The following FARP1 variants were observed in gnomAD, a reference collection of about 807,000 sequenced individuals.
The protein encoded by FARP1 is FERM, ARHGEF and pleckstrin domain-containing protein 1.
In FARP1, 52 loss-of-function variants were observed where a neutral mutation model predicts 128.8. The ratio of observed to expected loss-of-function variants is 0.40; its 90% CI spans 0.32 to 0.51. FARP1 has a LOEUF of 0.51. Among genes scored for constraint, FARP1 ranks in the 20% least tolerant of loss-of-function variants. The pLI is 0.45. For synonymous variants in FARP1, 580 were observed against 551.8 expected, an observed-to-expected ratio of 1.05 and a Z score of -0.72; for missense variants, 1,333 against 1,367.9, an observed-to-expected ratio of 0.97 and a Z score of 0.40.
chr13:98,292,359 C>T (rs1452343395), intron 2 of FARP1, among the ~76,000 whole-genome samples: 1 of 152,148 alleles, frequency 6.6e-6, no homozygotes, highest in Non-Finnish European at 1.5e-5. Context: ...CTGTAAGTTA[C>T]AGTAGATGCC....
At chr13:98,241,626 T>A (rs1361199633) in intron 2 of FARP1, among the ~76,000 whole-genome samples, 2 of 151,964 alleles carry the variant, frequency 1.3e-5, no homozygotes, top group Non-Finnish European at 2.9e-5. Context: ...CAAAAAACTT[T>A]AAAAACTGGC....
intron 2 of FARP1, among the ~76,000 whole-genome samples, chr13:98,314,274 C>CTTTTTT (rs140938723): frequency 5.8e-4 from 35 of 60,018 alleles, no homozygotes; most frequent in Admixed American, 1.0e-3. Flanking sequence ...TATTTTATGT[C>CTTTTTT]TTTTTTTTTT....
chr13:98,204,374 T>C (rs1880138533), intron 1 of FARP1, among the ~76,000 whole-genome samples: 2 of 152,222 alleles, frequency 1.3e-5, no homozygotes, highest in African/African-American at 4.8e-5. Flanking sequence ...CTTCCTATTA[T>C]CAGTTTTAAA....
intron 1 of FARP1, among the ~76,000 whole-genome samples, chr13:98,166,401 T>TG (rs1398785871): frequency 6.6e-6 from 1 of 152,238 alleles, no homozygotes; most frequent in East Asian, 1.9e-4. Context: ...TTTATGAACT[T>TG]GCATATAGTG....
chr13:98,357,441 A>G (rs1293855546), intron 3 of FARP1, among the ~76,000 whole-genome samples: 1 of 151,984 alleles, frequency 6.6e-6, no homozygotes, highest in Non-Finnish European at 1.5e-5. Flanking sequence ...TTGCTTTTTA[A>G]ATTTTGTGTG....
chr13:98,309,252 C>T (rs372470569), intron 2 of FARP1, among the ~76,000 whole-genome samples: 231 of 142,138 alleles, frequency 1.6e-3, no homozygotes, highest in African/African-American at 5.5e-3. Context: ...CTGCAAGCTC[C>T]GCCTCCCGGG....
chr13:98,170,482 G>C (rs1460425696), intron 1 of FARP1, among the ~76,000 whole-genome samples: 2 of 152,152 alleles, frequency 1.3e-5, no homozygotes, highest in East Asian at 3.9e-4. Flanking sequence ...TCGACCTCCT[G>C]AGTAGCTGGG....
At chr13:98,353,674 G>A (rs529118211) in intron 3 of FARP1, among the ~76,000 whole-genome samples, 9 of 152,148 alleles carry the variant, frequency 5.9e-5, no homozygotes, top group South Asian at 4.2e-4. Context: ...CACCACACCC[G>A]GCCTGCTTTT....
rs186248065 is a variant in FARP1 at position 98,372,799 on chromosome 13, A to G, written c.398+4604A>G. On this transcript the variant is annotated intron_variant, in intron 5 of 26. Coordinates refer to ENST00000319562, the MANE Select transcript of FARP1 (RefSeq NM_005766.4). ...TGAGAGGTGGACTCTCCTCACGTCC[A>G]CTCTTCTGCTAAGGAAACTTGATTC... Among the ~76,000 whole-genome samples, 20 of 151,986 alleles carry G rather than the reference A, an allele frequency of 1.3e-4. No individual in the cohort carries two copies. The East Asian group carries it at 2.9e-3, about 22-fold the overall frequency.
chr13:98,242,510 C>G (rs750710657), intron 2 of FARP1, among the ~76,000 whole-genome samples: 5 of 151,944 alleles, frequency 3.3e-5, no homozygotes, highest in Non-Finnish European at 7.4e-5. Context: ...ACCTCCATCT[C>G]TACAAAGAAA....
intron 2 of FARP1, among the ~76,000 whole-genome samples, chr13:98,289,487 C>T (rs1255031128): frequency 6.6e-6 from 1 of 152,200 alleles, no homozygotes; most frequent in Non-Finnish European, 1.5e-5. Context: ...CATCCGCATG[C>T]AGTGAACAAT....
intron 3 of FARP1, among the ~76,000 whole-genome samples, chr13:98,364,844 G>A (rs1170685562): frequency 1.3e-5 from 2 of 152,204 alleles, no homozygotes; most frequent in African/African-American, 2.4e-5. Flanking sequence ...GGGACCTGGG[G>A]CAAATTAGCC....
intron 15 of FARP1, among the ~76,000 whole-genome samples, chr13:98,411,665 A>G (rs1191175134): frequency 2.6e-5 from 4 of 152,212 alleles, no homozygotes. Context: ...TTAACAGTCA[A>G]TGGGTAGCAA....
At chr13:98,225,862 G>A (rs1040932341) in intron 2 of FARP1, among the ~76,000 whole-genome samples, 1 of 152,166 alleles carries the variant, frequency 6.6e-6, no homozygotes, top group Non-Finnish European at 1.5e-5. Flanking sequence ...TTATTGTTTA[G>A]TGGCACACAA....
At chr13:98,253,252 T>A (rs1306688943) in intron 2 of FARP1, among the ~76,000 whole-genome samples, 2 of 152,204 alleles carry the variant, frequency 1.3e-5, no homozygotes, top group African/African-American at 4.8e-5. Flanking sequence ...TAGTCCTGAG[T>A]TTAGCCTTTT....
rs572102900 is a variant in FARP1 at position 98,448,474 on chromosome 13, G to A, written c.*157G>A. ...CTCCACAGCCGCGTTTTTTAACCCC[G>A]ACCTCTCAGCGTCTGAATGAACAGC... is the stretch of plus-strand genomic sequence containing the variant. On this transcript the variant is annotated 3_prime_UTR_variant, in exon 27 of 27. Transcript: ENST00000319562. The A allele has an allele frequency of 2.9e-5, 18 of 628,208 alleles. No individual in the cohort carries two copies. In the East Asian group the frequency reaches 3.6e-4, roughly 13 times the overall value. 38.9% of individuals were successfully genotyped at this position (628,208 alleles called of 1,614,324 possible). A position where few individuals can be genotyped will look rare whatever the true frequency, so the allele number is the denominator to read the frequency against.
In FARP1 at chr13:98,368,102, T is replaced by G. The variant is rs78897232; in HGVS notation, c.320-15T>G. The G allele has an allele frequency of 2.5e-6, 4 of 1,607,632 alleles. No homozygotes were observed. In the African/African-American group the frequency reaches 4.0e-5, roughly 16 times the overall value. Reference sequence around the variant, plus strand: ...AATCAGTAAATGCTTTACTTCTTTTTTTCTTCTTCTTTAGGGCCAAAGCAC... The same window carrying G: ...AATCAGTAAATGCTTTACTTCTTTTGTTCTTCTTCTTTAGGGCCAAAGCAC... On this transcript the variant is annotated splice_polypyrimidine_tract_variant and intron_variant, in intron 4 of 26. Transcript: ENST00000319562.
intron 2 of FARP1, among the ~76,000 whole-genome samples, chr13:98,279,353 A>T (rs1465339225): frequency 6.6e-6 from 1 of 152,094 alleles, no homozygotes; most frequent in Admixed American, 6.5e-5. Context: ...AATAATAATG[A>T]TTGTGAAGTG....
At chr13:98,366,498 G>A (rs1269742346) in intron 4 of FARP1, among the ~76,000 whole-genome samples, 1 of 152,178 alleles carries the variant, frequency 6.6e-6, no homozygotes, top group Admixed American at 6.5e-5. Flanking sequence ...CTAGGAGATC[G>A]ACATTTGTCC....
Sources: gnomAD v4.1 joint callset for allele counts (sites outside exome capture counted in the v4.1 genomes callset) on GRCh38, gnomAD v4.1.1 for gene constraint, MANE v1.5 for transcripts, NCBI Gene and HGNC (gene_info 2026-07-23, HGNC 2026-07-21) for gene names.